GRB10: variants seen among roughly 807,000 people sequenced by gnomAD.
The protein encoded by GRB10 is growth factor receptor bound protein 10, also known as growth factor receptor-bound protein 10.
A neutral mutation model predicts 80.9 loss-of-function variants in GRB10; 20 were observed. That is an observed-to-expected ratio of 0.25 (90% CI 0.17 to 0.36). The LOEUF is 0.36. GRB10 is among the 10% of genes least tolerant of loss of function. The pLI, the probability that GRB10 is intolerant of heterozygous loss-of-function variation, is 1.00. For missense variants in GRB10, 548 were observed against 747.7 expected, an observed-to-expected ratio of 0.73 and a Z score of 3.12; for synonymous variants, 291 against 291.5, an observed-to-expected ratio of 1.00 and a Z score of 0.02.
intron 17 of GRB10, among the ~76,000 whole-genome samples, chr7:50,602,360 C>T (rs866675835): frequency 6.6e-6 from 1 of 152,150 alleles, no homozygotes; most frequent in African/African-American, 2.4e-5. Context: ...CCCCTGCTCA[C>T]CCGACACCAC....
chr7:50,653,139 C>T (rs779746226), intron 7 of GRB10, among the ~76,000 whole-genome samples: 6 of 152,196 alleles, frequency 3.9e-5, no homozygotes, highest in South Asian at 4.1e-4. Flanking sequence ...GGCCCCAGTA[C>T]GATGAGGAGC....
intron 7 of GRB10, among the ~76,000 whole-genome samples, chr7:50,662,056 GAGA>G (rs1468493435): frequency 6.6e-6 from 1 of 152,206 alleles, no homozygotes; most frequent in African/African-American, 2.4e-5. Context: ...CGCTTGCCAG[GAGA>G]AGGACTCCCC....
chr7:50,674,254 C>A (rs1011020882), intron 6 of GRB10, among the ~76,000 whole-genome samples, 182 bp downstream of exon 6: 1 of 152,244 alleles, frequency 6.6e-6, no homozygotes, highest in African/African-American at 2.4e-5. Flanking sequence ...CAAAGTTCAA[C>A]CCAAGGGCGG....
At chr7:50,685,823 T>C (rs1563439309) in intron 5 of GRB10, among the ~76,000 whole-genome samples, 4 of 152,082 alleles carry the variant, frequency 2.6e-5, no homozygotes, top group Non-Finnish European at 4.4e-5. Flanking sequence ...TTCCAAGAAA[T>C]GGCAGTTCTC....
At chr7:50,695,440 T>A (rs1281553598) in intron 5 of GRB10, among the ~76,000 whole-genome samples, 1 of 150,556 alleles carries the variant, frequency 6.6e-6, no homozygotes, top group Admixed American at 6.7e-5. Flanking sequence ...CTTGTACATG[T>A]CGTACGTCAT....
chr7:50,717,578 A>C (rs909439900), intron 4 of GRB10, among the ~76,000 whole-genome samples: 2 of 152,272 alleles, frequency 1.3e-5, no homozygotes, highest in African/African-American at 2.4e-5. Context: ...AGATACAGGT[A>C]ATCTACAGAT....
intron 7 of GRB10, among the ~76,000 whole-genome samples, chr7:50,642,238 G>T (rs2056386040): frequency 6.6e-6 from 1 of 151,966 alleles, no homozygotes; most frequent in Admixed American, 6.6e-5. Context: ...GAACCAAGGG[G>T]CCAGAACAGC....
At chr7:50,720,312 C>A (rs1040334000) in intron 4 of GRB10, among the ~76,000 whole-genome samples, 1 of 152,184 alleles carries the variant, frequency 6.6e-6, no homozygotes, top group Non-Finnish European at 1.5e-5. Context: ...GTACCAGTAG[C>A]CAGTTTCGCA....
At chr7:50,658,906 G>A (rs923571153) in intron 7 of GRB10, among the ~76,000 whole-genome samples, 4 of 152,142 alleles carry the variant, frequency 2.6e-5, no homozygotes, top group African/African-American at 7.2e-5. Flanking sequence ...TCGGGCCTTC[G>A]GGATTATTCT....
intron 3 of GRB10, among the ~76,000 whole-genome samples, chr7:50,737,102 T>C (rs976354104): frequency 1.3e-5 from 2 of 152,110 alleles, no homozygotes; most frequent in African/African-American, 4.8e-5. Flanking sequence ...AGACAACACA[T>C]AGAATGGGAA....
intron 13 of GRB10, among the ~76,000 whole-genome samples, chr7:50,610,530 C>A (rs539082149): frequency 6.6e-6 from 1 of 152,192 alleles, no homozygotes; most frequent in African/African-American, 2.4e-5. Flanking sequence ...TCAGAACTCA[C>A]GGCAGCTTCC....
At position 50,749,134 on chromosome 7, in the gene GRB10, G is replaced by GTTTTTTTTTTTT. The variant is rs11405172; in HGVS notation, c.-47+6741_-47+6752dup. Reference sequence around the variant, plus strand: ...TTTGTTTTGTTTTGTTTTTTTGTTTGTTTTTTTTTTTTGAGATGGAGTCTC... The same window carrying GTTTTTTTTTTTT: ...TTTGTTTTGTTTTGTTTTTTTGTTTGTTTTTTTTTTTTTTTTTTTTTTTTGAGATGGAGTCTC... On this transcript the variant is annotated intron_variant, in intron 3 of 18. Coordinates refer to ENST00000401949, the MANE Select transcript of GRB10 (RefSeq NM_001350814.2). 3.3e-4 allele frequency among the ~76,000 whole-genome samples: 46 copies of GTTTTTTTTTTTT among 137,924 alleles called. 12 individuals carry two copies. Among genetic ancestry groups the GTTTTTTTTTTTT allele is most frequent in the East Asian group, 1.1e-3 (5 of 4,636 alleles). 90.5% of individuals were successfully genotyped at this position (137,924 alleles called of 152,430 possible).
rs183079974 is a variant in GRB10, at chr7:50,605,416, A to G, written c.1273-10T>C. ...TCTCGGAGACACTGCGCTGAAAAGGAAAGGCCGCAGTTCTTAAAATGCAGG... is the reference window on the plus strand; with the variant it reads ...TCTCGGAGACACTGCGCTGAAAAGGGAAGGCCGCAGTTCTTAAAATGCAGG... On this transcript the variant is annotated splice_polypyrimidine_tract_variant and intron_variant, in intron 14 of 18. Transcript: ENST00000401949. 41 of 1,603,966 alleles carry G rather than the reference A, an allele frequency of 2.6e-5. No homozygotes were observed. Among genetic ancestry groups the G allele is most frequent in the Non-Finnish European group, 3.5e-5 (41 of 1,170,670 alleles).
chr7:50,602,126 A>T (rs1216035775), intron 17 of GRB10, among the ~76,000 whole-genome samples: 1 of 140,884 alleles, frequency 7.1e-6, no homozygotes, highest in African/African-American at 2.4e-5. Context: ...ACTCGTTCTA[A>T]AAATTGACAA....
At chr7:50,672,000 C>T (rs1426133015) in intron 6 of GRB10, among the ~76,000 whole-genome samples, 3 of 152,366 alleles carry the variant, frequency 2.0e-5, no homozygotes, top group Admixed American at 1.3e-4. Flanking sequence ...GGTCCTTCTT[C>T]TCTGTGCCTT....
chr7:50,742,269 G>GCACA (rs1328460498), intron 3 of GRB10, among the ~76,000 whole-genome samples: 13 of 32,640 alleles, frequency 4.0e-4, no homozygotes, highest in African/African-American at 4.5e-4. Flanking sequence ...GCACGCGCGC[G>GCACA]CGCACACACA....
chr7:50,595,603 A>ACACACACG, intron 17 of GRB10, 73 bp from the exon 18 acceptor site: 1 of 256,952 alleles, frequency 3.9e-6, no homozygotes, highest in Middle Eastern at 5.5e-4. Context: ...ACACTCTCTT[A>ACACACACG]CACACACACA....
At chr7:50,626,201 A>G (rs1419264919) in intron 8 of GRB10, among the ~76,000 whole-genome samples, 1 of 152,256 alleles carries the variant, frequency 6.6e-6, no homozygotes, top group African/African-American at 2.4e-5. Context: ...TCTGTGATAC[A>G]AAATATTCTC....
At chr7:50,610,447 A>G (rs1280542499) in intron 13 of GRB10, among the ~76,000 whole-genome samples, 1 of 152,238 alleles carries the variant, frequency 6.6e-6, no homozygotes, top group Non-Finnish European at 1.5e-5. Flanking sequence ...CGTATCCTTA[A>G]TGACTCTAGA....
Sources: gnomAD v4.1 joint callset for allele counts (sites outside exome capture counted in the v4.1 genomes callset) on GRCh38, gnomAD v4.1.1 for gene constraint, MANE v1.5 for transcripts, NCBI Gene and HGNC (gene_info 2026-07-23, HGNC 2026-07-21) for gene names.